The following CD163 variants were observed in gnomAD, a reference collection of about 807,000 sequenced individuals.
CD163 encodes the protein scavenger receptor cysteine-rich type 1 protein M130.
In CD163, 64 loss-of-function variants were observed where a neutral mutation model predicts 129.2. The ratio of observed to expected loss-of-function variants is 0.50; its 90% confidence interval spans 0.41 to 0.61. The LOEUF (loss-of-function observed/expected upper bound fraction) is 0.61. Among genes scored for constraint, CD163 ranks in the 20% least tolerant of loss-of-function variants. The pLI is 0.00. For synonymous variants in CD163, 446 were observed against 478.5 expected, an observed-to-expected ratio of 0.93 and a Z score of 0.89; for missense variants, 1,061 against 1,377.9, an observed-to-expected ratio of 0.77 and a Z score of 3.64.
At chr12:7,499,490 A>G (rs1439569647) in intron 3 of CD163, among the ~76,000 whole-genome samples, 2 of 152,302 alleles carry the variant, frequency 1.3e-5, no homozygotes, top group Admixed American at 1.3e-4. Flanking sequence ...TTGTACAGAA[A>G]TAGATAAATT....
At chr12:7,477,553 A>G (rs1021113767) in intron 16 of CD163, among the ~76,000 whole-genome samples, 16 of 152,072 alleles carry the variant, frequency 1.1e-4, no homozygotes, top group African/African-American at 3.6e-4. Flanking sequence ...ACATGGACAC[A>G]GGGAGGGGAA....
chr12:7,479,697 T>G (rs1410870464), intron 16 of CD163, among the ~76,000 whole-genome samples, 163 bp downstream of exon 16: 3 of 152,200 alleles, frequency 2.0e-5, no homozygotes, highest in Admixed American at 6.6e-5. Context: ...ATTTATAAGC[T>G]TTTATATATT....
At chr12:7,498,156 G>A (rs1429125728) in intron 4 of CD163, among the ~76,000 whole-genome samples, 1 of 151,108 alleles carries the variant, frequency 6.6e-6, no homozygotes, top group African/African-American at 2.5e-5. Flanking sequence ...CAGAGAGAGA[G>A]AGAGAGAGAG....
chr12:7,478,355 C>T (rs759791572), intron 16 of CD163, among the ~76,000 whole-genome samples: 3 of 152,158 alleles, frequency 2.0e-5, no homozygotes, highest in South Asian at 2.1e-4. Flanking sequence ...TCTGTATTCC[C>T]GCCAGTAATA....
chr12:7,493,440 T>C (rs898419730), intron 6 of CD163, among the ~76,000 whole-genome samples: 1 of 152,180 alleles, frequency 6.6e-6, no homozygotes, highest in Non-Finnish European at 1.5e-5. Context: ...AGCAAATCTA[T>C]TCTGGATGTT....
At chr12:7,497,715 T>G (rs1482740862) in intron 4 of CD163, among the ~76,000 whole-genome samples, 3 of 152,208 alleles carry the variant, frequency 2.0e-5, no homozygotes, top group Non-Finnish European at 4.4e-5. Context: ...TAAATTAAAC[T>G]GGTTGTTTCC....
chr12:7,497,679 C>A (rs777070243), intron 4 of CD163, among the ~76,000 whole-genome samples: 1 of 152,172 alleles, frequency 6.6e-6, no homozygotes, highest in Admixed American at 6.5e-5. Flanking sequence ...AAAGAACAGA[C>A]GTTGATTCTG....
rs1210859041 is a variant in CD163 at position 7,498,947 on chromosome 12, T to C, written c.699A>G (p.Ser233=). The C allele has an allele frequency of 6.2e-7, 1 of 1,614,158 alleles. No homozygotes were observed. Among genetic ancestry groups the C allele is most frequent in the Non-Finnish European group, 8.5e-7 (1 of 1,180,012 alleles). ...FDDLICNGNE[S]ALWNCKHQGW... is the part of the protein sequence containing the mutation. ...CTTGATGTTTGCAGTTCCAGAGAGCTGACTCATTTCCGTTGCATATAAGAT... is the reference window on the plus strand; with the variant it reads ...CTTGATGTTTGCAGTTCCAGAGAGCCGACTCATTTCCGTTGCATATAAGAT... Residue 233 remains serine (S), a synonymous_variant, in exon 4 of 17, where the codon TCA becomes TCG. Transcript: ENST00000432237.
chr12:7,487,530 C>G lies in CD163; in HGVS notation c.1879G>C (p.Gly627Arg). 6.2e-7 allele frequency: 1 copy of G among 1,614,114 alleles called. No individual in the cohort carries two copies. The highest frequency in any genetic ancestry group is 8.5e-7 in the Non-Finnish European group (1 of 1,180,024). Residue 627 changes from glycine to arginine, a missense_variant, in exon 8 of 17, where the codon GGA becomes CGA. Physicochemically the swap from Gly to Arg is moderately radical, Grantham distance 125. Coordinates refer to ENST00000432237, the MANE Select transcript of CD163 (RefSeq NM_203416.4). This position sits in a 1 kb window ranked among gnomAD's most constrained non-coding sequence, Gnocchi z 5.1. Reference protein sequence around the residue: ...AHVLCQQLKCGVALSTPGGAR... With the variant: ...AHVLCQQLKCRVALSTPGGAR... ...CCTCCTGGGGTAGAAAGGGCAACTC[C>G]ACATTTAAGCTGCTGGCAAAGAACA...
Position 7,479,768 on chromosome 12 carries a change from T to G in CD163, c.*31+92A>C, listed in dbSNP as rs768288551. 59 of 1,322,128 alleles carry G rather than the reference T, an allele frequency of 4.5e-5. No individual in the cohort carries two copies. The African/African-American group carries it at 8.0e-4, about 18-fold the overall frequency. The allele number at this position is 1,322,128 out of a possible 1,614,324, so 81.9% of individuals were successfully genotyped here. On this transcript the variant is annotated intron_variant, in intron 16 of 16. Coordinates refer to ENST00000432237, the MANE Select transcript of CD163 (RefSeq NM_203416.4). ...CATAAGCAAATAAAATATGTTTATATACATTCTTTCTTTCTAATGCCAGAA... is the reference window on the plus strand; with the variant it reads ...CATAAGCAAATAAAATATGTTTATAGACATTCTTTCTTTCTAATGCCAGAA...
At position 7,487,497 on chromosome 12, in the gene CD163, A is replaced by T; in HGVS notation, c.1912T>A (p.Phe638Ile). 1 of 1,614,062 alleles carries T rather than the reference A, an allele frequency of 6.2e-7. No homozygotes were observed. Among genetic ancestry groups the T allele is most frequent in the Non-Finnish European group, 8.5e-7 (1 of 1,180,008 alleles). Residue 638 changes from phenylalanine to isoleucine, a missense_variant, in exon 8 of 17, where the codon TTT (phenylalanine) becomes ATT (isoleucine). Physicochemically the swap from Phe to Ile is conservative, Grantham distance 21. Transcript: ENST00000432237. The surrounding 1 kb of genome is among the most constrained non-coding windows in gnomAD (Gnocchi z 5.1). The stretch of plus-strand genomic sequence containing the variant: ...CAGATCTGACCATTTCCTTTTCCAA[A>T]ACGTGCTCCTCCTGGGGTAGAAAGG... ...VALSTPGGAR[F>I]GKGNGQIWRH... is the part of the protein sequence containing the mutation.
chr12:7,486,664 C>CCT lies in CD163; in HGVS notation c.2291_2292dup (p.Ala765ArgfsTer23), dbSNP rs981079611. The CCT allele has an allele frequency of 1.9e-6, 3 of 1,614,006 alleles. No individual in the cohort carries two copies. The highest frequency in any genetic ancestry group is 2.5e-6 in the Non-Finnish European group (3 of 1,180,026). ...TGAGCAGAACCAGTGGCATTAATGG[C>CCT]CTCTCCACAGCCCAGCTGTCTGCAA... On this transcript the variant is annotated frameshift_variant, in exon 10 of 17. Coordinates refer to ENST00000432237, the MANE Select transcript of CD163 (RefSeq NM_203416.4). LOFTEE classifies it high-confidence loss of function.
rs774199905 is a variant in CD163 at position 7,488,074 on chromosome 12, G to A, written c.1434C>T (p.Pro478=). The change falls in exon 7 of 17, where the codon CCC becomes CCT. Residue 478 remains proline, a synonymous_variant. Coordinates refer to ENST00000432237, the MANE Select transcript of CD163 (RefSeq NM_203416.4). ...AKITCSAHRE[P]RLVGGDIPCS... is the part of the protein sequence containing the mutation. The stretch of plus-strand genomic sequence containing the variant: ...AGGGAATGTCCCCTCCAACCAGTCT[G>A]GGTTCCCTGTGGGCTGAAAAATAAA... 6.2e-7 allele frequency: 1 copy of A among 1,611,046 alleles called. No individual in the cohort carries two copies. The highest frequency in any genetic ancestry group is 1.1e-5 in the South Asian group (1 of 90,532).
At chr12:7,499,307 G>T in intron 3 of CD163, 119 bp from the exon 4 acceptor site, 1 of 823,862 alleles carries the variant, frequency 1.2e-6, no homozygotes, top group Non-Finnish European at 1.9e-6. Flanking sequence ...GCCTGATTTT[G>T]GACATTGCCC....
chr12:7,480,062 T>C (rs746261770), intron 15 of CD163, 149 bp from the exon 16 acceptor site: 1 of 1,488,498 alleles, frequency 6.7e-7, no homozygotes. Context: ...GTGAGGCTCT[T>C]TGAGCAACTA....
At chr12:7,477,885 G>A (rs1462290672) in intron 16 of CD163, among the ~76,000 whole-genome samples, 2 of 152,128 alleles carry the variant, frequency 1.3e-5, no homozygotes, top group African/African-American at 4.8e-5. Flanking sequence ...ACATTCATAT[G>A]CTTCAGATTA....
intron 6 of CD163, among the ~76,000 whole-genome samples, chr12:7,491,160 T>C (rs1949322346): frequency 6.6e-6 from 1 of 151,964 alleles, no homozygotes; most frequent in African/African-American, 2.4e-5. Context: ...CAAACAAAAA[T>C]ATTTTCTTTT....
intron 15 of CD163, 110 bp downstream of exon 15, chr12:7,481,051 T>C: frequency 6.8e-7 from 1 of 1,479,788 alleles, no homozygotes; most frequent in South Asian, 1.5e-5. Context: ...CTAAGCTTCC[T>C]ATTACATTTT....
rs777404863 is a variant in CD163, at chr12:7,485,147, A to G, written c.2728T>C (p.Trp910Arg). Residue 910 changes from tryptophan to arginine, a missense_variant, in exon 11 of 17, where the codon TGG (tryptophan) becomes CGG (arginine). Coordinates refer to ENST00000432237, the MANE Select transcript of CD163 (RefSeq NM_203416.4). The surrounding 1 kb of genome is among the most constrained non-coding windows in gnomAD (Gnocchi z 4.5). ...DTLWQCPSSP[W>R]EKRLASPSEE... is the part of the protein sequence containing the mutation. ...GAGGGGCTGGCCAGTCTCTTCTCCC[A>G]TGGAGATGATGGGCACTGCCACAGC... 3 of 1,613,924 alleles carry G rather than the reference A, an allele frequency of 1.9e-6. No individual in the cohort carries two copies. The Admixed American group carries it at 5.0e-5, about 27-fold the overall frequency.
Sources: gnomAD v4.1 joint callset for allele counts (sites outside exome capture counted in the v4.1 genomes callset) on GRCh38, gnomAD v4.1.1 for gene constraint, Gnocchi (gnomAD v3.1) non-coding constraint, MANE v1.5 for transcripts, NCBI Gene and HGNC (gene_info 2026-07-23, HGNC 2026-07-21) for gene names.